DCUN1D4: variants seen among roughly 807,000 people sequenced by gnomAD.
The protein encoded by DCUN1D4 is defective in cullin neddylation 1 domain containing 4.
Under a neutral mutation model 47.9 loss-of-function variants are expected in DCUN1D4, and 22 were observed. That is an observed-to-expected ratio of 0.46 (90% CI 0.33 to 0.66). The LOEUF is 0.66. Ranked by LOEUF, DCUN1D4 falls within the 30% of genes least tolerant of loss-of-function variation. The pLI is 0.02. For synonymous variants in DCUN1D4, 121 were observed against 112.2 expected, an observed-to-expected ratio of 1.08 and a Z score of -0.50; for missense variants, 301 against 340.8, an observed-to-expected ratio of 0.88 and a Z score of 0.92.
rs1031941186 is a variant in DCUN1D4 at position 51,859,583 on chromosome 4, G to A, written c.26-3854G>A. 6.9e-5 allele frequency among the ~76,000 whole-genome samples: 9 copies of A among 129,860 alleles called. No individual in the cohort carries two copies. In the South Asian group the frequency reaches 1.5e-3, roughly 21 times the overall value. The allele number at this position is 129,860 out of a possible 152,430, so 85.2% of individuals were successfully genotyped here. A position where few individuals can be genotyped will look rare whatever the true frequency, so the allele number is the denominator to read the frequency against. ...GGGAATGGACTTTGACCCCCTCAAT[G>A]GCATTCATTTTTTTTTCTTTTGTGT... On this transcript the variant is annotated intron_variant, in intron 1 of 10. Coordinates refer to ENST00000334635, the MANE Select transcript of DCUN1D4 (RefSeq NM_001040402.3).
chr4:51,870,330 A>T (rs1430679012), intron 3 of DCUN1D4, among the ~76,000 whole-genome samples: 1 of 152,186 alleles, frequency 6.6e-6, no homozygotes, highest in Middle Eastern at 3.2e-3. Flanking sequence ...TATTTTTATC[A>T]TAAAAAAATC....
intron 8 of DCUN1D4, among the ~76,000 whole-genome samples, chr4:51,905,980 G>T (rs985951537): frequency 6.6e-6 from 1 of 152,136 alleles, no homozygotes; most frequent in African/African-American, 2.4e-5. Context: ...TGCTAGAGAG[G>T]GAGAGAAAGG....
intron 6 of DCUN1D4, chr4:51,887,380 G>A (rs1050226863): frequency 2.1e-5 from 4 of 190,704 alleles, no homozygotes; most frequent in Admixed American, 1.7e-4. Context: ...GATTATAGGC[G>A]TGAGCCACAG....
rs926839164 is a variant in DCUN1D4, at chr4:51,844,801, C to A, written c.25+1534C>A. 2.3e-5 allele frequency: 23 copies of A among 983,066 alleles called. No homozygotes were observed. The African/African-American group carries it at 3.1e-4, about 13-fold the overall frequency. The allele number at this position is 983,066 out of a possible 1,614,324, so 60.9% of individuals were successfully genotyped here. ...CTGGGACTTGTAGTCGCGGCCGCGC[C>A]CGGCCGCGGTTGGGTTGGGTGCACG... On this transcript the variant is annotated intron_variant, in intron 1 of 10. Coordinates refer to ENST00000334635, the MANE Select transcript of DCUN1D4 (RefSeq NM_001040402.3).
At chr4:51,849,497 C>T (rs1348765983) in intron 1 of DCUN1D4, among the ~76,000 whole-genome samples, 1 of 152,162 alleles carries the variant, frequency 6.6e-6, no homozygotes, top group Non-Finnish European at 1.5e-5. Context: ...TTGTCACTGT[C>T]GCTGGTCAGA....
intron 7 of DCUN1D4, among the ~76,000 whole-genome samples, chr4:51,898,203 G>A (rs1399907834): frequency 6.6e-6 from 1 of 152,194 alleles, no homozygotes; most frequent in Non-Finnish European, 1.5e-5. Context: ...GGAGCTATAT[G>A]GGAGGAGCTC....
intron 1 of DCUN1D4, chr4:51,843,493 G>A: frequency 1.6e-6 from 2 of 1,286,314 alleles, no homozygotes; most frequent in Non-Finnish European, 2.0e-6. Flanking sequence ...GGAGGGCGGA[G>A]GTGAGGGGGG....
intron 3 of DCUN1D4, among the ~76,000 whole-genome samples, chr4:51,868,588 T>C (rs1726345387): frequency 6.6e-6 from 1 of 152,204 alleles, no homozygotes; most frequent in Non-Finnish European, 1.5e-5. Context: ...TTTAGAAATC[T>C]GAAATAGTTG....
Position 51,895,342 on chromosome 4 carries a change from G to A in DCUN1D4, c.506+3491G>A, listed in dbSNP as rs1731077756. On this transcript the variant is annotated intron_variant, in intron 7 of 10. Coordinates refer to ENST00000334635, the MANE Select transcript of DCUN1D4 (RefSeq NM_001040402.3). ...CCTTAAACTAGGGTGGTGAAGTATG[G>A]CTTATGGCTTATGCCTGGGCTCTCA... Among the ~76,000 whole-genome samples, 4 of 151,908 alleles carry A rather than the reference G, an allele frequency of 2.6e-5. No individual in the cohort carries two copies. In the South Asian group the frequency reaches 8.3e-4, roughly 32 times the overall value.
Position 51,915,126 on chromosome 4 carries a change from CA to C in DCUN1D4, c.*1543del, listed in dbSNP as rs1734205374. On this transcript the variant is annotated 3_prime_UTR_variant, in exon 11 of 11. Transcript: ENST00000334635. The stretch of plus-strand genomic sequence containing the variant: ...TAAATGGCATTAAGTGAATAAAGCA[CA>C]CAGACAGTGCTACTCTTGACCACTA... The C allele has an allele frequency of 6.6e-6, 1 of 152,532 alleles. No individual in the cohort carries two copies. The highest frequency in any genetic ancestry group is 1.5e-5 in the Non-Finnish European group (1 of 68,004). The allele number at this position is 152,532 out of a possible 1,614,324, so 9.4% of individuals were successfully genotyped here. A position where few individuals can be genotyped will look rare whatever the true frequency, so the allele number is the denominator to read the frequency against.
Position 51,913,633 on chromosome 4 carries a change from C to T in DCUN1D4, c.*49C>T. 2 of 1,548,546 alleles carry T rather than the reference C, an allele frequency of 1.3e-6. No individual in the cohort carries two copies. Among genetic ancestry groups the T allele is most frequent in the Non-Finnish European group, 1.8e-6 (2 of 1,124,246 alleles). ...AGTCACTGTTACCACAGTTTTGTCA[C>T]CCATTAGCCATAAATTGCTGTTTGT... On this transcript the variant is annotated 3_prime_UTR_variant, in exon 11 of 11. Transcript: ENST00000334635.
chr4:51,874,411 AAT>A, intron 4 of DCUN1D4, 26 bp downstream of exon 4: 1 of 1,536,970 alleles, frequency 6.5e-7, no homozygotes, highest in Non-Finnish European at 9.0e-7. Flanking sequence ...AGTAGATCAG[AAT>A]CAGTGATACA....
upstream of DCUN1D4, among the ~76,000 whole-genome samples, chr4:51,841,888 C>A (rs1664654073): frequency 1.3e-5 from 2 of 150,404 alleles, no homozygotes; most frequent in Non-Finnish European, 2.9e-5. Flanking sequence ...TTTGAGGCTC[C>A]CAGATGGCCC....
the DCUN1D4 span, among the ~76,000 whole-genome samples, chr4:51,834,344 G>T: frequency 6.6e-6 from 1 of 151,612 alleles, no homozygotes; most frequent in Non-Finnish European, 1.5e-5. Flanking sequence ...CTTCGTATGT[G>T]TGCTGGGGGT....
intron 1 of DCUN1D4, among the ~76,000 whole-genome samples, chr4:51,849,614 A>G (rs969327890): frequency 6.6e-5 from 10 of 152,092 alleles, no homozygotes; most frequent in Non-Finnish European, 1.5e-5. Flanking sequence ...GACACAGTCG[A>G]TATCAGCTGT....
chr4:51,852,747 C>T (rs1416636359), intron 1 of DCUN1D4, among the ~76,000 whole-genome samples: 1 of 152,172 alleles, frequency 6.6e-6, no homozygotes, highest in African/African-American at 2.4e-5. Context: ...TTAATAATCC[C>T]CACAGTAGCT....
chr4:51,863,773 C>A, intron 3 of DCUN1D4, 64 bp downstream of exon 3: 1 of 1,502,232 alleles, frequency 6.7e-7, no homozygotes, highest in Non-Finnish European at 9.2e-7. Context: ...AAGAGAAATA[C>A]TAGCTATGAA....
chr4:51,856,116 T>G (rs1346559376), intron 1 of DCUN1D4, among the ~76,000 whole-genome samples: 1 of 152,340 alleles, frequency 6.6e-6, no homozygotes, highest in East Asian at 1.9e-4. Flanking sequence ...AGTGCCAAGG[T>G]TAGATGGTAA....
intron 7 of DCUN1D4, among the ~76,000 whole-genome samples, chr4:51,894,525 C>T (rs753599759): frequency 7.2e-5 from 11 of 152,014 alleles, no homozygotes; most frequent in Non-Finnish European, 1.2e-4. Context: ...GGCTTATAAA[C>T]AATATTCAGA....
Sources: gnomAD v4.1 joint callset for allele counts (sites outside exome capture counted in the v4.1 genomes callset) on GRCh38, gnomAD v4.1.1 for gene constraint, MANE v1.5 for transcripts, NCBI Gene and HGNC (gene_info 2026-07-23, HGNC 2026-07-21) for gene names.